The following GAS5 variants were observed in gnomAD, a reference collection of about 807,000 sequenced individuals.
GAS5 encodes the protein growth arrest specific 5, also known as growth arrest specific 5 (non-protein coding).
intron 5 of GAS5, chr1:173,865,711 G>C (rs1654488576): frequency 1.9e-6 from 1 of 519,018 alleles, no homozygotes; most frequent in Admixed American, 1.9e-5. Context: ...ACATGCTCAA[G>C]GAAAACACAT....
upstream of GAS5, chr1:173,868,130 T>G (rs1324963876): frequency 6.3e-6 from 1 of 157,710 alleles, no homozygotes; most frequent in East Asian, 1.9e-4. Flanking sequence ...TTCCCACCCC[T>G]TAAGTCCGCC....
At chr1:173,867,324 A>C (rs575691294), upstream of GAS5, 12 of 429,842 alleles carry the variant, frequency 2.8e-5, no homozygotes, top group South Asian at 2.5e-4. Flanking sequence ...GTTCAAGACC[A>C]GTCTCGCCAA....
At chr1:173,865,727 CTG>C (rs1325944932) in intron 5 of GAS5, 2 of 519,128 alleles carry the variant, frequency 3.9e-6, no homozygotes, top group Non-Finnish European at 7.7e-6. Flanking sequence ...CACATAAACA[CTG>C]TTCCAGACAT....
At chr1:173,866,884 CAG>C in intron 1 of GAS5, 2 of 765,488 alleles carry the variant, frequency 2.6e-6, no homozygotes, top group Non-Finnish European at 4.8e-6. Context: ...ATTAAAGCCT[CAG>C]AATAGAATTT....
At chr1:173,866,802 A>C in intron 1 of GAS5, 1 of 765,224 alleles carries the variant, frequency 1.3e-6, no homozygotes, top group Non-Finnish European at 2.4e-6. Flanking sequence ...CACAACTAGA[A>C]AACAAAAAGA....
intron 7 of GAS5, chr1:173,864,060 T>G: frequency 1.1e-5 from 5 of 438,608 alleles, no homozygotes; most frequent in South Asian, 8.0e-5. Context: ...CACTCTAGCT[T>G]GGGTGAGGCA....
upstream of GAS5, chr1:173,867,735 A>T (rs1655013617): frequency 1.9e-6 from 1 of 519,066 alleles, no homozygotes; most frequent in Non-Finnish European, 3.8e-6. Context: ...CACAGGCTTC[A>T]TCAGAGGCAG....
intron 4 of GAS5, chr1:173,866,040 A>C: frequency 3.9e-6 from 2 of 519,166 alleles, no homozygotes; most frequent in Middle Eastern, 3.2e-4. Flanking sequence ...TGCATTTACA[A>C]ACTTTCTTAT....
At chr1:173,866,019 A>G (rs1557871606) in intron 4 of GAS5, 1 of 519,182 alleles carries the variant, frequency 1.9e-6, no homozygotes, top group African/African-American at 1.9e-5. Context: ...TTTGCTTATC[A>G]TCATCCAGGC....
chr1:173,865,545 G>A (rs14262), exon 6 of GAS5: 12,366 of 516,046 alleles, frequency 0.024, 1,278 homozygotes, highest in African/African-American at 0.21. Flanking sequence ...ACGTTACCAG[G>A]AGCTGGAATA....
exon 5 of GAS5, chr1:173,865,858 AG>A: frequency 1.9e-6 from 1 of 515,752 alleles, no homozygotes; most frequent in South Asian, 1.4e-5. Flanking sequence ...AATACTTACC[AG>A]AACCATTAAG....
chr1:173,866,764 A>G, exon 2 of GAS5: 1 of 765,466 alleles, frequency 1.3e-6, no homozygotes, highest in Non-Finnish European at 2.4e-6. Flanking sequence ...AACTTACTTC[A>G]GTAGCTATTC....
chr1:173,866,511 A>G (rs1654679665), intron 3 of GAS5: 3 of 690,214 alleles, frequency 4.3e-6, no homozygotes, highest in Non-Finnish European at 8.0e-6. Context: ...GAGAAGTACA[A>G]AATAGAGGTG....
intron 1 of GAS5, chr1:173,866,935 G>A (rs367903781): frequency 2.6e-6 from 2 of 765,306 alleles, no homozygotes; most frequent in Non-Finnish European, 4.8e-6. Flanking sequence ...AAGCATCACA[G>A]GCTGAGACCA....
intron 3 of GAS5, chr1:173,866,221 CAA>C: frequency 2.1e-6 from 1 of 483,324 alleles, no homozygotes; most frequent in East Asian, 5.6e-5. Context: ...AATTTTAATA[CAA>C]AATTGTCAGC....
At chr1:173,867,822 A>T (rs73037097), upstream of GAS5, 767 of 512,868 alleles carry the variant, frequency 1.5e-3, 5 homozygotes, top group African/African-American at 0.013. Context: ...CCATATGTGC[A>T]ATCCCCCACC....
chr1:173,866,973 A>C (rs763203322), intron 1 of GAS5: 7 of 765,212 alleles, frequency 9.1e-6, no homozygotes, highest in African/African-American at 1.7e-5. Context: ...TTCCCACCAT[A>C]CTTTCCCCAA....
At chr1:173,867,805 G>A (rs1176310183), upstream of GAS5, 4 of 517,958 alleles carry the variant, frequency 7.7e-6, no homozygotes, top group East Asian at 1.1e-4. Flanking sequence ...CTTAGGTCAC[G>A]CATGCACCAT....
chr1:173,864,013 A>G, intron 7 of GAS5: 1 of 351,526 alleles, frequency 2.8e-6, no homozygotes, highest in Non-Finnish European at 5.8e-6. Context: ...ACTTGAGCCC[A>G]GAAGTTTGAG....
Sources: allele counts gnomAD v4.1 joint callset, GRCh38; gene constraint gnomAD v4.1.1; transcripts MANE v1.5; gene names NCBI Gene and HGNC (gene_info 2026-07-23, HGNC 2026-07-21).